FAM178B: variants seen among roughly 807,000 people sequenced by gnomAD.
FAM178B encodes protein FAM178B.
FAM178B carries 82 observed loss-of-function variants against 91.7 expected under a neutral mutation model. That is an observed-to-expected ratio of 0.89 (90% CI 0.75 to 1.07). The LOEUF is 1.07. Among genes scored for constraint, FAM178B ranks in the 50% least tolerant of loss-of-function variants. The probability of loss-of-function intolerance (pLI) is 0.00; values close to 1 mark genes in which losing one functional copy is unlikely to be tolerated. For synonymous variants in FAM178B, 368 were observed against 359.4 expected (o/e 1.02, Z -0.27); for missense variants, 769 against 846.7 (o/e 0.91, Z 1.14).
intron 12 of FAM178B, among the ~76,000 whole-genome samples, chr2:96,909,317 C>G (rs2081111469): frequency 6.6e-6 from 1 of 152,114 alleles, no homozygotes; most frequent in South Asian, 2.1e-4. Context: ...CCGGACTAAC[C>G]AAAGGAAATC....
At chr2:96,917,059 G>A (rs137872227) in intron 12 of FAM178B, among the ~76,000 whole-genome samples, 3 of 152,286 alleles carry the variant, frequency 2.0e-5, no homozygotes, top group South Asian at 4.1e-4. Context: ...CAGGGATGAC[G>A]GCCAGAACAC....
chr2:96,919,361 C>T (rs909972599), intron 12 of FAM178B, among the ~76,000 whole-genome samples: 1 of 152,136 alleles, frequency 6.6e-6, no homozygotes, highest in Non-Finnish European at 1.5e-5. Flanking sequence ...AAGGCAGAGA[C>T]GTGATCATCA....
intron 4 of FAM178B, among the ~76,000 whole-genome samples, chr2:96,968,803 T>C (rs2082179740): frequency 6.6e-6 from 1 of 152,200 alleles, no homozygotes; most frequent in South Asian, 2.1e-4. Flanking sequence ...TATCTCTGCC[T>C]GCTTCAGTTT....
intron 12 of FAM178B, among the ~76,000 whole-genome samples, chr2:96,902,926 A>G (rs2080961685): frequency 6.6e-6 from 1 of 152,234 alleles, no homozygotes; most frequent in Non-Finnish European, 1.5e-5. Context: ...CAAAAACTCA[A>G]GTCCCTGGTA....
At chr2:96,883,580 G>A (rs927109970) in intron 14 of FAM178B, among the ~76,000 whole-genome samples, 2 of 152,256 alleles carry the variant, frequency 1.3e-5, no homozygotes, top group Admixed American at 1.3e-4. Context: ...CCCTGCGGGA[G>A]CAGGTCCAGC....
intron 14 of FAM178B, among the ~76,000 whole-genome samples, chr2:96,883,351 C>T (rs1312951137): frequency 6.6e-6 from 1 of 152,226 alleles, no homozygotes; most frequent in Non-Finnish European, 1.5e-5. Flanking sequence ...AGGGAGCGGG[C>T]TGTGGCCTGG....
chr2:96,912,956 C>G (rs1319472455), intron 12 of FAM178B, among the ~76,000 whole-genome samples: 1 of 152,186 alleles, frequency 6.6e-6, no homozygotes, highest in Non-Finnish European at 1.5e-5. Context: ...TGAAAGAGAA[C>G]TGGGGGAGGA....
At chr2:96,935,088 A>T (rs2153372120) in intron 8 of FAM178B, among the ~76,000 whole-genome samples, 1 of 152,358 alleles carries the variant, frequency 6.6e-6, no homozygotes, top group South Asian at 2.1e-4. Context: ...ACAGAGCGAC[A>T]TTGTGCCAAA....
chr2:96,883,809 A>T (rs2080449328), intron 14 of FAM178B, among the ~76,000 whole-genome samples: 1 of 152,110 alleles, frequency 6.6e-6, no homozygotes, highest in Non-Finnish European at 1.5e-5. Context: ...ACCAGGAGCC[A>T]GGGGGGGTCC....
At chr2:96,902,401 G>A (rs1272605163) in intron 13 of FAM178B, among the ~76,000 whole-genome samples, 2 of 152,238 alleles carry the variant, frequency 1.3e-5, no homozygotes, top group African/African-American at 4.8e-5. Flanking sequence ...ACCGTGCCCA[G>A]CAACTACAAT....
Position 96,878,479 on chromosome 2 carries a change from G to A in FAM178B, c.1791C>T (p.Cys597=). ...AELDHKACYL[C]HSLLMLAGVV... is the part of the protein sequence containing the mutation. ...CCCCGGCCAGCATCAGCAAGCTGTG[G>A]CACAGGTAGCAGGCCTGGAGGGAGA... is the stretch of plus-strand genomic sequence containing the variant. Residue 597 remains cysteine, a synonymous_variant, in exon 15 of 17, where the codon TGC becomes TGT. Coordinates refer to ENST00000490605, the MANE Select transcript of FAM178B (RefSeq NM_001122646.3). The A allele has an allele frequency of 6.2e-7, 1 of 1,613,870 alleles. No individual in the cohort carries two copies. The highest frequency in any genetic ancestry group is 8.5e-7 in the Non-Finnish European group (1 of 1,179,992).
In FAM178B at chr2:96,986,528, G is replaced by C. The variant is rs1045117551; in HGVS notation, c.-215C>G. The C allele has an allele frequency of 3.4e-6, 2 of 591,102 alleles. No individual in the cohort carries two copies. Among genetic ancestry groups the C allele is most frequent in the African/African-American group, 1.9e-5 (1 of 51,696 alleles). The allele number at this position is 591,102 out of a possible 1,614,324, so 36.6% of individuals were successfully genotyped here. ...ATTGAGTTCCGACTCCAAACCAAGC[G>C]GCCAGCTCACAGCCGCCGCCGCCGC... On this transcript the variant is annotated 5_prime_UTR_variant, in exon 1 of 17. Transcript: ENST00000490605.
intron 4 of FAM178B, 99 bp downstream of exon 4, chr2:96,970,617 G>T: frequency 1.1e-6 from 1 of 919,878 alleles, no homozygotes. Flanking sequence ...GTCTGGGTGG[G>T]AGGCCGCTGT....
At chr2:96,913,275 C>T (rs1488533263) in intron 12 of FAM178B, among the ~76,000 whole-genome samples, 1 of 152,150 alleles carries the variant, frequency 6.6e-6, no homozygotes, top group Non-Finnish European at 1.5e-5. Flanking sequence ...GCTAAGGTCC[C>T]CAGGAGGCTG....
intron 15 of FAM178B, 22 bp from the exon 16 acceptor site, chr2:96,878,064 A>G (rs774893031): frequency 5.0e-6 from 8 of 1,603,584 alleles, no homozygotes; most frequent in East Asian, 4.5e-5. Context: ...GAGGGAGGCC[A>G]AGAAGCGGGT....
At chr2:96,947,585 G>A (rs1374807769) in intron 8 of FAM178B, among the ~76,000 whole-genome samples, 1 of 152,244 alleles carries the variant, frequency 6.6e-6, no homozygotes, top group Non-Finnish European at 1.5e-5. Flanking sequence ...AGGTCAGCCT[G>A]GCCGTGGCCA....
At chr2:96,921,113 C>A (rs2081330362) in intron 12 of FAM178B, 52 bp downstream of exon 12, 5 of 1,457,822 alleles carry the variant, frequency 3.4e-6, no homozygotes, top group East Asian at 2.5e-5. Flanking sequence ...CCCTACAAGA[C>A]CCCGAAGAGA....
chr2:96,981,683 G>T (rs1265631156), intron 1 of FAM178B, among the ~76,000 whole-genome samples: 2 of 148,258 alleles, frequency 1.3e-5, no homozygotes, highest in Non-Finnish European at 3.0e-5. Context: ...GGAGCTTGCA[G>T]TGAGCCGAGA....
chr2:96,972,891 C>G (rs986457689), intron 1 of FAM178B, among the ~76,000 whole-genome samples: 9 of 151,920 alleles, frequency 5.9e-5, no homozygotes, highest in Non-Finnish European at 1.2e-4. Context: ...GATCTTGGCT[C>G]ACTGCAACCT....
Sources: allele counts gnomAD v4.1 joint callset (sites outside exome capture counted in the v4.1 genomes callset), GRCh38; gene constraint gnomAD v4.1.1; transcripts MANE v1.5; gene names NCBI Gene and HGNC (gene_info 2026-07-23, HGNC 2026-07-21).